The following LDLRAD4 variants were observed in gnomAD, a reference collection of about 807,000 sequenced individuals.
LDLRAD4 encodes the protein low density lipoprotein receptor class A domain containing 4, also known as low-density lipoprotein receptor class A domain-containing protein 4.
Under a neutral mutation model 17.0 loss-of-function variants are expected in LDLRAD4, and 5 were observed. The ratio of observed to expected loss-of-function variants is 0.29; its 90% CI spans 0.15 to 0.62. The LOEUF is 0.62. Among genes scored for constraint, LDLRAD4 ranks in the 20% least tolerant of loss-of-function variants. The pLI is 0.84. For missense variants in LDLRAD4, 340 were observed against 424.7 expected, an observed-to-expected ratio of 0.80 and a Z score of 1.75; for synonymous variants, 168 against 171.8, an observed-to-expected ratio of 0.98 and a Z score of 0.17.
At chr18:13,410,226 A>G (rs2088206121) in intron 2 of LDLRAD4, among the ~76,000 whole-genome samples, 1 of 151,790 alleles carries the variant, frequency 6.6e-6, no homozygotes, top group African/African-American at 2.4e-5. Flanking sequence ...AGGCTCCTAG[A>G]TGGGATCCTG....
chr18:13,559,232 TC>T (rs1250635854), intron 3 of LDLRAD4, among the ~76,000 whole-genome samples: 1 of 152,208 alleles, frequency 6.6e-6, no homozygotes. Context: ...TAGTGGGTGA[TC>T]AGCACAGCAT....
chr18:13,448,815 A>T (rs1006622580), intron 3 of LDLRAD4, among the ~76,000 whole-genome samples: 8 of 152,174 alleles, frequency 5.3e-5, no homozygotes, highest in Non-Finnish European at 7.3e-5. Flanking sequence ...ATCTTTGAGT[A>T]ACTGAAGAAA....
intron 2 of LDLRAD4, among the ~76,000 whole-genome samples, chr18:13,405,803 C>T (rs916582039): frequency 1.1e-4 from 16 of 152,066 alleles, no homozygotes; most frequent in Non-Finnish European, 1.6e-4. Flanking sequence ...TGAGCTCTGG[C>T]GTGCAGGGCC....
At chr18:13,553,016 A>G (rs763313596) in intron 3 of LDLRAD4, among the ~76,000 whole-genome samples, 12 of 152,196 alleles carry the variant, frequency 7.9e-5, no homozygotes, top group Non-Finnish European at 1.6e-4. Flanking sequence ...CGTATTTTTA[A>G]GGAAGGATCT....
At chr18:13,281,234 A>G (rs527975509) in intron 1 of LDLRAD4, among the ~76,000 whole-genome samples, 5 of 152,220 alleles carry the variant, frequency 3.3e-5, no homozygotes, top group African/African-American at 1.2e-4. Context: ...TAAAAAATCA[A>G]AAAAATTATC....
intron 2 of LDLRAD4, among the ~76,000 whole-genome samples, chr18:13,401,272 A>G (rs542578484): frequency 6.6e-6 from 1 of 152,024 alleles, no homozygotes; most frequent in East Asian, 1.9e-4. Context: ...ATTCATTTCC[A>G]AAGGAAGGGA....
intron 4 of LDLRAD4, among the ~76,000 whole-genome samples, chr18:13,628,475 C>G (rs1001370694): frequency 6.6e-6 from 1 of 152,218 alleles, no homozygotes. Flanking sequence ...TAGGGTCCGG[C>G]GGGTTGGCCG....
rs1488120880 is a variant in LDLRAD4 at position 13,440,483 on chromosome 18, A to G, written c.181+2099A>G. On this transcript the variant is annotated intron_variant, in intron 3 of 5. Coordinates refer to ENST00000359446, the Ensembl canonical transcript of LDLRAD4. This position sits in a 1 kb window ranked among gnomAD's most constrained non-coding sequence, Gnocchi z 4.4. ...ACTCTTGGCCCCCTACTGTTCAGAT[A>G]TGACTAGAACTTTTGTCTTTATAGC... Among the ~76,000 whole-genome samples the G allele has an allele frequency of 2.0e-5, 3 of 152,200 alleles. No homozygotes were observed. Among genetic ancestry groups the G allele is most frequent in the Non-Finnish European group, 4.4e-5 (3 of 68,034 alleles).
intron 4 of LDLRAD4, chr18:13,642,781 A>G: frequency 2.5e-6 from 3 of 1,219,442 alleles, no homozygotes; most frequent in Non-Finnish European, 3.1e-6. Flanking sequence ...GCCATATTCC[A>G]CTTCAAATCT....
chr18:13,650,246 TTGC>T (rs3842394), exon 6 of LDLRAD4: 202 of 401,704 alleles, frequency 5.0e-4, no homozygotes, highest in Admixed American at 7.9e-4. Flanking sequence ...AGACAGTCAT[TTGC>T]TGCTGCTGCT....
chr18:13,619,087 C>T (rs1381347681), intron 3 of LDLRAD4, among the ~76,000 whole-genome samples: 4 of 152,224 alleles, frequency 2.6e-5, no homozygotes, highest in Non-Finnish European at 5.9e-5. Context: ...CATCCCAGCC[C>T]CTTCTCTCAG....
chr18:13,612,743 G>C, intron 3 of LDLRAD4: 1 of 1,613,880 alleles, frequency 6.2e-7, no homozygotes, highest in East Asian at 2.2e-5. Flanking sequence ...CACTGAAGGA[G>C]GCTCAGTTCA....
At chr18:13,632,014 A>G (rs1274757530) in intron 4 of LDLRAD4, among the ~76,000 whole-genome samples, 1 of 152,244 alleles carries the variant, frequency 6.6e-6, no homozygotes, top group African/African-American at 2.4e-5. Flanking sequence ...TATTCCCAGA[A>G]GGCAAGGATG....
intron 3 of LDLRAD4, among the ~76,000 whole-genome samples, chr18:13,586,443 C>G (rs2094936249): frequency 8.6e-6 from 1 of 116,364 alleles, no homozygotes; most frequent in South Asian, 2.9e-4. Flanking sequence ...GAGAAGGGCT[C>G]TGAGGGCTCT....
intron 1 of LDLRAD4, among the ~76,000 whole-genome samples, chr18:13,310,212 T>C (rs1205072912): frequency 6.8e-6 from 1 of 147,704 alleles, no homozygotes; most frequent in African/African-American, 2.5e-5. Context: ...TAGCCGGGTG[T>C]GGTGGTGTAC....
At chr18:13,429,718 G>A (rs1275832342) in intron 2 of LDLRAD4, among the ~76,000 whole-genome samples, 1 of 141,694 alleles carries the variant, frequency 7.1e-6, no homozygotes, top group African/African-American at 2.4e-5. Context: ...CCCTTGTTCA[G>A]TGAACCCTCC....
intron 1 of LDLRAD4, among the ~76,000 whole-genome samples, chr18:13,224,726 C>T (rs1381305528): frequency 3.3e-5 from 5 of 151,680 alleles, no homozygotes; most frequent in Admixed American, 2.0e-4. Context: ...ATGATCCGCC[C>T]GTCTTGGCCT....
intron 1 of LDLRAD4, among the ~76,000 whole-genome samples, chr18:13,338,667 T>G (rs1218624970): frequency 6.6e-6 from 1 of 152,234 alleles, no homozygotes. Flanking sequence ...GGTGGCCCTC[T>G]GTATGAAAAA....
chr18:13,500,870 T>A (rs1031243494), intron 3 of LDLRAD4: 1 of 152,098 alleles, frequency 6.6e-6, no homozygotes, highest in Non-Finnish European at 1.5e-5. Context: ...AATTCAGAAT[T>A]GGTTTTTAGA....
Sources: allele counts gnomAD v4.1 joint callset (sites outside exome capture counted in the v4.1 genomes callset), GRCh38; gene constraint gnomAD v4.1.1; non-coding constraint Gnocchi (gnomAD v3.1); transcripts MANE v1.5; gene names NCBI Gene and HGNC (gene_info 2026-07-23, HGNC 2026-07-21).